The following BCHE variants were observed in gnomAD, a reference collection of about 807,000 sequenced individuals.
BCHE encodes the protein butyrylcholinesterase.
A neutral mutation model predicts 51.3 loss-of-function variants in BCHE; 48 were observed. That is an observed-to-expected ratio of 0.94 (90% CI 0.74 to 1.19). The LOEUF (loss-of-function observed/expected upper bound fraction) is 1.19, where lower values mean the gene tolerates loss of function less well. Among genes scored for constraint, BCHE ranks in the 50% most tolerant of loss-of-function variants. BCHE has a pLI of 0.00. For synonymous variants in BCHE, 251 were observed against 238.0 expected (o/e 1.05, Z -0.50); for missense variants, 847 against 708.2 (o/e 1.20, Z -2.23).
chr3:165,807,549 T>TATTC (rs1553776066), intron 2 of BCHE, among the ~76,000 whole-genome samples: 4 of 150,680 alleles, frequency 2.7e-5, no homozygotes, highest in Middle Eastern at 3.4e-3. Flanking sequence ...TTTATTTATT[T>TATTC]TTATTTATTT....
chr3:165,816,635 T>C (rs1714323008), intron 2 of BCHE, among the ~76,000 whole-genome samples: 1 of 152,020 alleles, frequency 6.6e-6, no homozygotes, highest in Non-Finnish European at 1.5e-5. Context: ...CCCACAATCA[T>C]ACACAATTTC....
intron 2 of BCHE, among the ~76,000 whole-genome samples, chr3:165,823,268 A>T (rs1485792060): frequency 3.9e-5 from 6 of 152,152 alleles, no homozygotes; most frequent in Non-Finnish European, 8.8e-5. Flanking sequence ...TATCTCTTTG[A>T]TAATTTATAA....
chr3:165,831,390 A>C (rs998413355), intron 1 of BCHE, among the ~76,000 whole-genome samples: 1 of 152,216 alleles, frequency 6.6e-6, no homozygotes, highest in Non-Finnish European at 1.5e-5. Flanking sequence ...AGCAGTAAAC[A>C]GTAGTCTACC....
rs141191138 is a variant in BCHE, at chr3:165,797,174, T to C, written c.1518-10863A>G. ...CCTCCTTCCTTCTTCCCTCCCTTCC[T>C]TCCTTCCCTCCTTCGTTCTTCCCTC... On this transcript the variant is annotated intron_variant, in intron 2 of 3. Transcript: ENST00000264381. 1.3e-3 allele frequency among the ~76,000 whole-genome samples: 136 copies of C among 107,456 alleles called. 1 individual carries two copies. Among genetic ancestry groups the C allele is most frequent in the African/African-American group, 4.6e-3 (129 of 27,792 alleles). 70.5% of individuals were successfully genotyped at this position (107,456 alleles called of 152,430 possible).
intron 1 of BCHE, among the ~76,000 whole-genome samples, chr3:165,833,691 C>T (rs1715072752): frequency 6.6e-6 from 1 of 152,130 alleles, no homozygotes; most frequent in African/African-American, 2.4e-5. Flanking sequence ...AGGCACTCTA[C>T]TGCTTCAGTT....
intron 2 of BCHE, among the ~76,000 whole-genome samples, chr3:165,822,415 T>C (rs531221411): frequency 1.3e-5 from 2 of 152,182 alleles, no homozygotes; most frequent in Admixed American, 1.3e-4. Flanking sequence ...CTTTTTTAAA[T>C]AGAGAAGTGG....
At chr3:165,821,807 C>T (rs4271957) in intron 2 of BCHE, among the ~76,000 whole-genome samples, 128,016 of 151,816 alleles carry the variant, frequency 0.84, 54,930 homozygotes, top group East Asian at 0.92. Flanking sequence ...TTTTAAAATA[C>T]CTTGTGTATT....
At chr3:165,828,704 G>A (rs1195345224) in intron 2 of BCHE, among the ~76,000 whole-genome samples, 2 of 151,458 alleles carry the variant, frequency 1.3e-5, no homozygotes, top group Non-Finnish European at 2.9e-5. Context: ...TGTATAAAAT[G>A]TGGTTTTGGT....
intron 1 of BCHE, among the ~76,000 whole-genome samples, chr3:165,833,321 T>G (rs1715058059): frequency 6.6e-6 from 1 of 152,168 alleles, no homozygotes; most frequent in East Asian, 1.9e-4. Context: ...TGTTAGGCGA[T>G]CTAATCATTG....
chr3:165,778,369 A>C (rs189736288), intron 3 of BCHE: 1 of 165,344 alleles, frequency 6.0e-6, no homozygotes, highest in Non-Finnish European at 1.3e-5. Flanking sequence ...TATTCTTACA[A>C]TCTAGACTCT....
At chr3:165,799,752 C>A (rs1047138184) in intron 2 of BCHE, among the ~76,000 whole-genome samples, 1 of 151,992 alleles carries the variant, frequency 6.6e-6, no homozygotes, top group Non-Finnish European at 1.5e-5. Flanking sequence ...ACAAAATAAT[C>A]TTATTTCATT....
chr3:165,829,476 T>A (rs1399416041), intron 2 of BCHE, 41 bp downstream of exon 2: 1 of 1,554,750 alleles, frequency 6.4e-7, no homozygotes, highest in South Asian at 1.1e-5. Context: ...GCAAAACGGA[T>A]CAAACCAAGC....
chr3:165,837,280 C>A, intron 1 of BCHE, 34 bp downstream of exon 1: 1 of 1,221,890 alleles, frequency 8.2e-7, no homozygotes, highest in Middle Eastern at 2.2e-4. Flanking sequence ...TAACTTGGAT[C>A]TCTACACGAA....
intron 2 of BCHE, among the ~76,000 whole-genome samples, chr3:165,809,194 T>C (rs1713984842): frequency 6.6e-6 from 1 of 152,166 alleles, no homozygotes; most frequent in African/African-American, 2.4e-5. Context: ...CTTTCATGTT[T>C]CTATATCGCA....
Position 165,791,326 on chromosome 3 carries a change from T to C in BCHE, c.1518-5015A>G, listed in dbSNP as rs1002327401. Among the ~76,000 whole-genome samples, 3 of 151,934 alleles carry C rather than the reference T, an allele frequency of 2.0e-5. No individual in the cohort carries two copies. The East Asian group carries it at 5.8e-4, about 30-fold the overall frequency. ...CGGGCGGGAAGGAAAGAATAAGATC[T>C]CATTTACATTGTTTAAAAGATCATC... On this transcript the variant is annotated intron_variant, in intron 2 of 3. Transcript: ENST00000264381.
chr3:165,816,723 G>A (rs1161287132), intron 2 of BCHE, among the ~76,000 whole-genome samples: 1 of 151,810 alleles, frequency 6.6e-6, no homozygotes, highest in Admixed American at 6.6e-5. Context: ...TTAGTCTTGA[G>A]TGGATACCAT....
chr3:165,819,587 C>T (rs994665426), intron 2 of BCHE, among the ~76,000 whole-genome samples: 2 of 152,028 alleles, frequency 1.3e-5, no homozygotes, highest in South Asian at 4.1e-4. Flanking sequence ...GTGTTAACCA[C>T]AAAATAGTTT....
intron 2 of BCHE, among the ~76,000 whole-genome samples, chr3:165,804,121 G>A (rs114260686): frequency 3.4e-4 from 52 of 151,666 alleles, no homozygotes; most frequent in African/African-American, 1.3e-3. Context: ...GCTTCAAGGA[G>A]GAGAGAGACT....
intron 1 of BCHE, among the ~76,000 whole-genome samples, chr3:165,835,936 C>T (rs12632049): frequency 6.6e-6 from 1 of 151,816 alleles, no homozygotes; most frequent in Non-Finnish European, 1.5e-5. Context: ...TGAGCAGATG[C>T]TGGCAAGAAA....
Sources: gnomAD v4.1 joint callset for allele counts (sites outside exome capture counted in the v4.1 genomes callset) on GRCh38, gnomAD v4.1.1 for gene constraint, MANE v1.5 for transcripts, NCBI Gene and HGNC (gene_info 2026-07-23, HGNC 2026-07-21) for gene names.